The following AHNAK variants were observed in gnomAD, a reference collection of about 807,000 sequenced individuals.
AHNAK encodes the protein neuroblast differentiation-associated protein AHNAK.
Under a neutral mutation model 37.8 loss-of-function variants are expected in AHNAK, and 23 were observed. That is an observed-to-expected ratio of 0.61 (90% CI 0.44 to 0.86). AHNAK has a LOEUF of 0.86. AHNAK is among the 40% of genes least tolerant of loss of function. The pLI is 0.00. For synonymous variants in AHNAK, 2,481 were observed against 2,636.3 expected (o/e 0.94, Z 1.80); for missense variants, 7,411 against 7,319.4 (o/e 1.01, Z -0.46).
intron 5 of AHNAK, among the ~76,000 whole-genome samples, chr11:62,474,011 A>T (rs1467491006): frequency 6.6e-6 from 1 of 152,066 alleles, no homozygotes; most frequent in African/African-American, 2.4e-5. Context: ...AAAAAAAAAA[A>T]TAGGTAAGTG....
At chr11:62,463,383 C>T (rs756675286) in intron 5 of AHNAK, among the ~76,000 whole-genome samples, 3 of 152,228 alleles carry the variant, frequency 2.0e-5, no homozygotes, top group East Asian at 1.9e-4. Context: ...CAGCACTGCC[C>T]GGAAATGCTG....
chr11:62,477,998 G>T (rs1485923637), intron 5 of AHNAK, among the ~76,000 whole-genome samples: 1 of 152,100 alleles, frequency 6.6e-6, no homozygotes, highest in Non-Finnish European at 1.5e-5. Flanking sequence ...GAAGGCCAGG[G>T]TGGTGAAGCC....
intron 5 of AHNAK, among the ~76,000 whole-genome samples, chr11:62,488,971 T>C (rs1327710592): frequency 1.3e-5 from 2 of 151,702 alleles, no homozygotes; most frequent in East Asian, 3.9e-4. Flanking sequence ...CCCAGCGCGG[T>C]GGCTCACACC....
Position 62,527,696 on chromosome 11 carries a change from G to A in AHNAK, c.6721C>T (p.Leu2241=), listed in dbSNP as rs577330934. Residue 2241 remains leucine (L), a synonymous_variant, in exon 5 of 5, where the codon CTG becomes TTG. Coordinates refer to ENST00000378024, the MANE Select transcript of AHNAK (RefSeq NM_001620.3). ...DVDVHGPDWH[L]KMPKMKMPKF... ...GGCATTTTCATCTTAGGCATCTTCA[G>A]GTGCCAGTCTGGGCCATGAACATCC... 3.7e-6 allele frequency: 6 copies of A among 1,614,014 alleles called. No homozygotes were observed. The Admixed American group carries it at 8.3e-5, about 22-fold the overall frequency.
At chr11:62,459,252 A>C (rs1938735032) in intron 5 of AHNAK, among the ~76,000 whole-genome samples, 1 of 152,190 alleles carries the variant, frequency 6.6e-6, no homozygotes, top group South Asian at 2.1e-4. Context: ...ACTTCACATG[A>C]AAAAATCAAA....
In AHNAK at chr11:62,520,461, C is replaced by G. The variant is rs1174826641; in HGVS notation, c.13956G>C (p.Met4652Ile). 6.2e-7 allele frequency: 1 copy of G among 1,614,120 alleles called. No individual in the cohort carries two copies. The highest frequency in any genetic ancestry group is 2.2e-5 in the East Asian group (1 of 44,884). Residue 4652 changes from methionine (M) to isoleucine (I), a missense_variant, in exon 5 of 5, where the codon ATG becomes ATC. By Grantham distance (10) the Met-to-Ile change is conservative (BLOSUM62 1). Transcript: ENST00000378024. Reference protein sequence around the residue: ...DVQGPDWHLKMPKVKMPKFSM... With the variant: ...DVQGPDWHLKIPKVKMPKFSM... Reference sequence around the variant, plus strand: ...TGAACTTGGGCATTTTCACTTTGGGCATTTTTAGGTGCCAGTCTGGGCCTT... The same window carrying G: ...TGAACTTGGGCATTTTCACTTTGGGGATTTTTAGGTGCCAGTCTGGGCCTT...
chr11:62,505,266 C>T (rs774934683), intron 4 of AHNAK, among the ~76,000 whole-genome samples: 1 of 152,138 alleles, frequency 6.6e-6, no homozygotes, highest in Non-Finnish European at 1.5e-5. Flanking sequence ...AGTCTGCGGG[C>T]ACATGGCTCA....
intron 1 of AHNAK, among the ~76,000 whole-genome samples, chr11:62,538,971 C>T (rs575966708): frequency 2.6e-5 from 4 of 152,292 alleles, no homozygotes; most frequent in East Asian, 3.9e-4. Flanking sequence ...CCCCAGCCCC[C>T]GACAGCCATC....
Position 62,523,301 on chromosome 11 carries a change from C to T in AHNAK, c.11116G>A (p.Asp3706Asn). ...VEGDLKGPEV[D>N]IKGPKVDIDT... is the part of the protein sequence containing the mutation. ...ATGTCCACTTTGGGGCCCTTGATGT[C>T]CACCTCAGGGCCTTTTAGATCACCT... The change falls in exon 5 of 5, where the codon GAC becomes AAC. Residue 3706 changes from aspartate (D) to asparagine (N), a missense_variant. Transcript: ENST00000378024. 6.2e-7 allele frequency: 1 copy of T among 1,613,986 alleles called. No homozygotes were observed. Among genetic ancestry groups the T allele is most frequent in the Admixed American group, 1.7e-5 (1 of 60,006 alleles).
At chr11:62,459,980 T>C (rs1756643634) in intron 5 of AHNAK, among the ~76,000 whole-genome samples, 1 of 151,860 alleles carries the variant, frequency 6.6e-6, no homozygotes, top group Non-Finnish European at 1.5e-5. Flanking sequence ...TCTCTACTAA[T>C]AATACAAAAA....
In AHNAK at chr11:62,532,991, T is replaced by C. The variant is rs148773592; in HGVS notation, c.1426A>G (p.Thr476Ala). 5.0e-5 allele frequency: 81 copies of C among 1,614,032 alleles called. No homozygotes were observed. Among genetic ancestry groups the C allele is most frequent in the Non-Finnish European group, 6.4e-5 (76 of 1,180,038 alleles). The part of the protein sequence containing the change: ...SGDVSLPEIA[T>A]GGLEGKMKGT... ...TTCATCTTTCCTTCCAGCCCACCAG[T>C]AGCAATCTCAGGCAGGCTGACATCC... Residue 476 changes from threonine to alanine, a missense_variant, in exon 5 of 5, where the codon ACT becomes GCT. Thr to Ala is a moderately conservative substitution (Grantham distance 58). Transcript: ENST00000378024.
In AHNAK at chr11:62,517,827, T is replaced by C. The variant is rs373957014; in HGVS notation, c.16590A>G (p.Ser5530=). ...GPEIKGGLKG[S]EVGFHGAAPD... is the part of the protein sequence containing the mutation. ...GAGCAGCCCCATGGAAACCTACTTC[T>C]GAACCTTTCAGACCACCTTTGATTT... Residue 5530 remains serine, a synonymous_variant, in exon 5 of 5, where the codon TCA becomes TCG. Coordinates refer to ENST00000378024, the MANE Select transcript of AHNAK (RefSeq NM_001620.3). The C allele has an allele frequency of 2.7e-5, 44 of 1,614,234 alleles. No homozygotes were observed. In the African/African-American group the frequency reaches 5.7e-4, roughly 21 times the overall value.
At chr11:62,446,175 A>G (rs1938419387) in intron 5 of AHNAK, among the ~76,000 whole-genome samples, 1 of 152,110 alleles carries the variant, frequency 6.6e-6, no homozygotes, top group African/African-American at 2.4e-5. Context: ...AGGGAGAAGA[A>G]GAGCTGCCAA....
chr11:62,471,729 T>C (rs545406865), intron 5 of AHNAK, among the ~76,000 whole-genome samples: 15 of 152,298 alleles, frequency 9.8e-5, no homozygotes, highest in African/African-American at 2.6e-4. Context: ...AGGCAGCCCA[T>C]GGCAGGTGAA....
At chr11:62,515,241 G>C (rs535965008), downstream of AHNAK, among the ~76,000 whole-genome samples, 1 of 152,170 alleles carries the variant, frequency 6.6e-6, no homozygotes, top group Non-Finnish European at 1.5e-5. Context: ...CACCCTGGCC[G>C]GGCGCAGTGG....
chr11:62,508,151 G>C (rs991240937), intron 4 of AHNAK, among the ~76,000 whole-genome samples: 5 of 152,092 alleles, frequency 3.3e-5, no homozygotes, highest in African/African-American at 1.2e-4. Context: ...TAAAAAGTCC[G>C]AGTTCAAGTC....
At position 62,531,018 on chromosome 11, in the gene AHNAK, C is replaced by G. The variant is rs1206599413; in HGVS notation, c.3399G>C (p.Lys1133Asn). ...CGCCTTTGAGGCTGGGCATGCTGAA[C>G]TTGGGCATTTTCATCTTGGGTATTT... is the stretch of plus-strand genomic sequence containing the variant. Reference protein sequence around the residue: ...SLKIPKMKMPKFSMPSLKGEG... With the variant: ...SLKIPKMKMPNFSMPSLKGEG... The change falls in exon 5 of 5, where the codon AAG becomes AAC. Residue 1133 changes from lysine (K) to asparagine (N), a missense_variant. Transcript: ENST00000378024. The G allele has an allele frequency of 6.2e-7, 1 of 1,611,366 alleles. No homozygotes were observed. The highest frequency in any genetic ancestry group is 1.4e-5 in the African/African-American group (1 of 74,010).
intron 4 of AHNAK, among the ~76,000 whole-genome samples, chr11:62,509,243 CA>C (rs111565551): frequency 0.1 from 14,813 of 146,992 alleles, 1,729 homozygotes; most frequent in African/African-American, 0.28. Flanking sequence ...CCATGCATGA[CA>C]AAAAAAAAAC....
chr11:62,462,751 T>C (rs995395259), intron 5 of AHNAK, among the ~76,000 whole-genome samples: 1 of 152,198 alleles, frequency 6.6e-6, no homozygotes, highest in African/African-American at 2.4e-5. Flanking sequence ...GTTTCGACAA[T>C]GTGACTGGTC....
Sources: allele counts gnomAD v4.1 joint callset (sites outside exome capture counted in the v4.1 genomes callset), GRCh38; gene constraint gnomAD v4.1.1; transcripts MANE v1.5; gene names NCBI Gene and HGNC (gene_info 2026-07-23, HGNC 2026-07-21).